Variants in MAP4 observed in about 807,000 individuals in gnomAD.
MAP4 encodes the protein microtubule-associated protein 4.
A neutral mutation model predicts 170.2 loss-of-function variants in MAP4; 76 were observed. That is an observed-to-expected ratio of 0.45 (90% CI 0.37 to 0.54). The LOEUF is 0.54. Ranked by LOEUF, MAP4 falls within the 20% of genes least tolerant of loss-of-function variation. The pLI is 0.00. For missense variants in MAP4, 2,506 were observed against 2,748.0 expected (o/e 0.91, Z 1.97); for synonymous variants, 909 against 994.5 (o/e 0.91, Z 1.62).
rs765391962 is a variant in MAP4 at position 47,921,860 on chromosome 3, T to G, written c.434A>C (p.His145Pro). Residue 145 changes from histidine (H) to proline (P), a missense_variant, in exon 5 of 21, where the codon CAT (histidine) becomes CCT (proline). This residue lies in a region of MAP4 where 2,008 missense variants were observed against 2,206.0 expected (regional missense o/e 0.91). Coordinates refer to ENST00000683076, the MANE Select transcript of MAP4 (RefSeq NM_001385682.1). ...GACCAAATCTGCCAGGTCATCATCA[T>G]GGTACATCTTAAAGGGATCTGGAAT... Reference protein sequence around the residue: ...PIQTDPFKMYHDDDLADLVFP... With the variant: ...PIQTDPFKMYPDDDLADLVFP... 9.0e-6 allele frequency: 14 copies of G among 1,558,260 alleles called. No homozygotes were observed. Among genetic ancestry groups the G allele is most frequent in the Non-Finnish European group, 1.2e-5 (14 of 1,129,046 alleles).
At chr3:47,945,155 C>T (rs2100059013) in intron 3 of MAP4, among the ~76,000 whole-genome samples, 1 of 151,708 alleles carries the variant, frequency 6.6e-6, no homozygotes, top group Non-Finnish European at 1.5e-5. Context: ...GAGTTCGAGA[C>T]CAGCCTGACC....
chr3:47,946,444 A>G (rs1036264896), intron 3 of MAP4, among the ~76,000 whole-genome samples: 1 of 151,074 alleles, frequency 6.6e-6, no homozygotes, highest in African/African-American at 2.4e-5. Context: ...ACCTGAGGTC[A>G]GGAGTTCAAG....
At chr3:47,949,203 C>T (rs1366846300) in intron 3 of MAP4, among the ~76,000 whole-genome samples, 4 of 152,054 alleles carry the variant, frequency 2.6e-5, no homozygotes, top group South Asian at 2.1e-4. Flanking sequence ...CGGTGGCTCA[C>T]GCCTGTAATC....
chr3:47,966,713 C>T (rs1398811395), intron 3 of MAP4, among the ~76,000 whole-genome samples: 1 of 152,144 alleles, frequency 6.6e-6, no homozygotes, highest in Non-Finnish European at 1.5e-5. Flanking sequence ...ATCCAGTTTT[C>T]CCCTCATCAT....
intron 4 of MAP4, among the ~76,000 whole-genome samples, chr3:47,926,576 C>G (rs2100046108): frequency 1.3e-5 from 2 of 152,092 alleles, no homozygotes; most frequent in African/African-American, 2.4e-5. Context: ...GCTGTATTGC[C>G]CACGCTAGAG....
intron 1 of MAP4, among the ~76,000 whole-genome samples, chr3:48,054,621 C>A (rs1395494713): frequency 4.3e-5 from 4 of 91,968 alleles, no homozygotes; most frequent in East Asian, 3.3e-4. Context: ...CAGTGTAAGA[C>A]TCCATCTCAA....
At chr3:47,919,109 T>C (rs1419163698) in intron 5 of MAP4, among the ~76,000 whole-genome samples, 1 of 151,568 alleles carries the variant, frequency 6.6e-6, no homozygotes, top group Non-Finnish European at 1.5e-5. Flanking sequence ...TTTTTTGTAT[T>C]TTTAGTAGAG....
chr3:47,869,382 A>G, intron 15 of MAP4, 55 bp from the exon 16 acceptor site: 1 of 1,224,000 alleles, frequency 8.2e-7, no homozygotes, highest in Non-Finnish European at 1.2e-6. Flanking sequence ...AGAGCTCAAA[A>G]GCCAAGAAGG....
chr3:47,884,122 A>G (rs1328536823), intron 10 of MAP4, among the ~76,000 whole-genome samples: 1 of 152,136 alleles, frequency 6.6e-6, no homozygotes, highest in South Asian at 2.1e-4. Flanking sequence ...TGATGATACA[A>G]ATGTTAGATC....
chr3:47,858,509 T>G (rs2060140518), intron 17 of MAP4, among the ~76,000 whole-genome samples: 1 of 152,008 alleles, frequency 6.6e-6, no homozygotes, highest in Admixed American at 6.6e-5. Flanking sequence ...ATCAACTCCT[T>G]GCCCAGAGAA....
intron 1 of MAP4, among the ~76,000 whole-genome samples, chr3:48,044,762 C>T (rs1287784638): frequency 6.6e-6 from 1 of 151,362 alleles, no homozygotes; most frequent in East Asian, 2.0e-4. Flanking sequence ...CACAGTGAGA[C>T]TCCATCTCAA....
Position 47,998,626 on chromosome 3 carries a change from TTAAA to T in MAP4, c.223+8_223+11del. On this transcript the variant is annotated splice_region_variant and intron_variant, in intron 2 of 20. Transcript: ENST00000683076. ...TCTGAACATATATAAGCAGTCTGGTTTAAATACTTACCTTCAATCTGGCTAGTTT... is the reference window on the plus strand; with the variant it reads ...TCTGAACATATATAAGCAGTCTGGTTTACTTACCTTCAATCTGGCTAGTTT... 1.2e-6 allele frequency: 2 copies of T among 1,606,200 alleles called. No homozygotes were observed. Among genetic ancestry groups the T allele is most frequent in the Non-Finnish European group, 1.7e-6 (2 of 1,172,986 alleles).
At chr3:47,938,241 G>A (rs942204467) in intron 3 of MAP4, among the ~76,000 whole-genome samples, 5 of 151,898 alleles carry the variant, frequency 3.3e-5, no homozygotes, top group Non-Finnish European at 7.4e-5. Flanking sequence ...GCATGGTGGC[G>A]CACACCTGTA....
At chr3:48,027,741 A>G (rs1047029728) in intron 1 of MAP4, among the ~76,000 whole-genome samples, 3 of 152,028 alleles carry the variant, frequency 2.0e-5, no homozygotes, top group African/African-American at 7.2e-5. Context: ...AGGAGACTAA[A>G]ATGGGAGGAT....
chr3:47,902,118 C>T (rs2100030381), intron 10 of MAP4, among the ~76,000 whole-genome samples: 1 of 152,168 alleles, frequency 6.6e-6, no homozygotes, highest in Admixed American at 6.5e-5. Flanking sequence ...CATGCCACTG[C>T]ACTTCAGCCT....
In MAP4 at chr3:47,928,242, T is replaced by C. The variant is rs1463261905; in HGVS notation, c.401A>G (p.Asp134Gly). 1 of 1,614,198 alleles carries C rather than the reference T, an allele frequency of 6.2e-7. No individual in the cohort carries two copies. Residue 134 changes from aspartate (D) to glycine (G), a missense_variant, in exon 4 of 21, where the codon GAT becomes GGT. By Grantham distance (94) the Asp-to-Gly change is moderately conservative. Around this residue, in one of 3 missense-constraint regions of MAP4, gnomAD observed 2,008 missense variants for 2,206.0 expected, o/e 0.91. Coordinates refer to ENST00000683076, the MANE Select transcript of MAP4 (RefSeq NM_001385682.1). ...NFCFQPEQVV[D>G]PIQTDPFKMY... ...CCAACACTTACCAGTCTGGATAGGA[T>C]CGACCACTTGCTCAGGTTGGAAACA... is the stretch of plus-strand genomic sequence containing the variant.
chr3:47,952,325 C>T (rs1466895731), intron 3 of MAP4, among the ~76,000 whole-genome samples: 4 of 151,832 alleles, frequency 2.6e-5, no homozygotes, highest in African/African-American at 7.3e-5. Flanking sequence ...CGCCTCTGCC[C>T]GGCCGCCCCT....
chr3:47,898,099 T>C (rs1037743941), intron 10 of MAP4, among the ~76,000 whole-genome samples: 3 of 152,220 alleles, frequency 2.0e-5, no homozygotes, highest in Admixed American at 6.5e-5. Flanking sequence ...CTTAGCACTG[T>C]AAGTTTCCTT....
rs200955881 is a variant in MAP4 at position 47,869,221 on chromosome 3, G to A, written c.6401C>T (p.Ala2134Val). 1.1e-5 allele frequency: 17 copies of A among 1,610,338 alleles called. No homozygotes were observed. The highest frequency in any genetic ancestry group is 8.3e-5 in the Admixed American group (5 of 59,998). The change falls in exon 16 of 21, where the codon GCG becomes GTG. Residue 2134 changes from alanine to valine, a missense_variant. By Grantham distance (64) the Ala-to-Val change is moderately conservative. This residue lies in a region of MAP4 where 487 missense variants were observed against 511.6 expected (regional missense o/e 0.95). Coordinates refer to ENST00000683076, the MANE Select transcript of MAP4 (RefSeq NM_001385682.1). ...GPIASAQKQP[A>V]GKVQIVSKKV... ...GGTCTAAATAAAACTCACTTTCCCC[G>A]CAGGTTGTTTCTGTGCACTTGCAAT... is the stretch of plus-strand genomic sequence containing the variant.
Sources: gnomAD v4.1 joint callset for allele counts (sites outside exome capture counted in the v4.1 genomes callset) on GRCh38, gnomAD v4.1.1 for gene constraint, gnomAD v4.1.1 regional missense constraint, MANE v1.5 for transcripts, NCBI Gene and HGNC (gene_info 2026-07-23, HGNC 2026-07-21) for gene names.